Variants in ABCD2 observed in about 807,000 individuals in gnomAD.
ABCD2 encodes the protein ATP-binding cassette sub-family D member 2.
ABCD2 carries 36 observed loss-of-function variants against 70.9 expected under a neutral mutation model. The ratio of observed to expected loss-of-function variants is 0.51; its 90% CI spans 0.39 to 0.67. The LOEUF (loss-of-function observed/expected upper bound fraction) is 0.67. ABCD2 is among the 30% of genes least tolerant of loss of function. The pLI is 0.00. For synonymous variants in ABCD2, 304 were observed against 306.9 expected (o/e 0.99, Z 0.10); for missense variants, 729 against 890.2 (o/e 0.82, Z 2.30).
intron 6 of ABCD2, among the ~76,000 whole-genome samples, chr12:39,596,510 AT>A: frequency 6.6e-6 from 1 of 152,222 alleles, no homozygotes; most frequent in Non-Finnish European, 1.5e-5. Flanking sequence ...TAAAAAAAGT[AT>A]TTGATCAGAT....
chr12:39,549,036 G>A (rs935739701), downstream of ABCD2, among the ~76,000 whole-genome samples: 7 of 151,868 alleles, frequency 4.6e-5, no homozygotes, highest in Non-Finnish European at 1.0e-4. Context: ...GGTAACATAC[G>A]AGACTTACCT....
intron 9 of ABCD2, among the ~76,000 whole-genome samples, chr12:39,565,988 C>A (rs1256906865): frequency 2.0e-5 from 3 of 152,132 alleles, no homozygotes; most frequent in African/African-American, 7.2e-5. Context: ...CCCACTTGAT[C>A]ATGGTGGATA....
intron 9 of ABCD2, among the ~76,000 whole-genome samples, chr12:39,556,015 A>C (rs1206875420): frequency 2.0e-5 from 3 of 152,166 alleles, no homozygotes; most frequent in Non-Finnish European, 2.9e-5. Flanking sequence ...TAGAAACCAC[A>C]ACAGGTGACC....
chr12:39,541,992 G>A, the ABCD2 span, among the ~76,000 whole-genome samples: 268 of 152,302 alleles, frequency 1.8e-3, no homozygotes, highest in African/African-American at 5.7e-3. Context: ...AGTGGGAAGG[G>A]CTGGTAATTA....
intron 9 of ABCD2, among the ~76,000 whole-genome samples, chr12:39,557,393 T>G (rs942652846): frequency 1.4e-4 from 21 of 152,156 alleles, no homozygotes; most frequent in Non-Finnish European, 2.9e-5. Flanking sequence ...CACAAAGAGA[T>G]GATTTGGAAT....
At chr12:39,557,270 A>C (rs1161964398) in intron 9 of ABCD2, among the ~76,000 whole-genome samples, 1 of 152,160 alleles carries the variant, frequency 6.6e-6, no homozygotes, top group East Asian at 1.9e-4. Context: ...CCTGCCCTAG[A>C]GGTCTATGGA....
chr12:39,595,168 G>A (rs551964831), intron 6 of ABCD2, among the ~76,000 whole-genome samples: 17 of 152,158 alleles, frequency 1.1e-4, no homozygotes, highest in African/African-American at 3.9e-4. Flanking sequence ...CAGAAAGTTG[G>A]GAAAGTAATA....
chr12:39,607,816 A>T, intron 2 of ABCD2, 102 bp from the exon 3 acceptor site: 2 of 772,964 alleles, frequency 2.6e-6, no homozygotes. Flanking sequence ...TAAAACAACC[A>T]CATATTAATT....
Position 39,599,551 on chromosome 12 carries a change from T to C in ABCD2, c.1646+1020A>G, listed in dbSNP as rs1162709084. Among the ~76,000 whole-genome samples, 5 of 152,226 alleles carry C rather than the reference T, an allele frequency of 3.3e-5. No homozygotes were observed. The East Asian group carries it at 9.6e-4, about 29-fold the overall frequency. On this transcript the variant is annotated intron_variant, in intron 6 of 9. Coordinates refer to ENST00000308666, the MANE Select transcript of ABCD2 (RefSeq NM_005164.4). The stretch of plus-strand genomic sequence containing the variant: ...TATGTCATTGCTCATGTCCAGCATT[T>C]TCAGCCAATGCAGTTCTTCATTCTC...
intron 9 of ABCD2, among the ~76,000 whole-genome samples, chr12:39,570,287 G>A (rs76014714): frequency 0.015 from 2,221 of 152,228 alleles, 37 homozygotes; most frequent in African/African-American, 0.049. Context: ...AAAAATTCTT[G>A]AGCATAAAGT....
downstream of ABCD2, among the ~76,000 whole-genome samples, chr12:39,548,744 A>G (rs1330404000): frequency 6.6e-6 from 1 of 151,816 alleles, no homozygotes; most frequent in Non-Finnish European, 1.5e-5. Context: ...GATTAAACTG[A>G]CTAAAATTAA....
chr12:39,584,419 CTT>C (rs1220344916), intron 7 of ABCD2, among the ~76,000 whole-genome samples: 3 of 152,128 alleles, frequency 2.0e-5, no homozygotes, highest in Admixed American at 6.6e-5. Context: ...AGATATTAGA[CTT>C]TTGTCAGATG....
chr12:39,556,982 C>CAAA (rs57091997), intron 9 of ABCD2, among the ~76,000 whole-genome samples: 3 of 110,700 alleles, frequency 2.7e-5, no homozygotes. Context: ...GACTCTGTCT[C>CAAA]AAAAAAAAAA....
intron 6 of ABCD2, among the ~76,000 whole-genome samples, chr12:39,596,313 C>A (rs756377059): frequency 8.5e-5 from 13 of 152,056 alleles, no homozygotes; most frequent in Non-Finnish European, 1.6e-4. Flanking sequence ...TCTTGAGGCA[C>A]TTATTTCTGG....
At position 39,550,935 on chromosome 12, in the gene ABCD2, A is replaced by G. The variant is rs1487994813; in HGVS notation, c.*2977T>C. The G allele has an allele frequency of 1.3e-5, 2 of 151,764 alleles. No homozygotes were observed. Among genetic ancestry groups the G allele is most frequent in the Non-Finnish European group, 3.0e-5 (2 of 67,692 alleles). The allele number at this position is 151,764 out of a possible 1,614,324, so 9.4% of individuals were successfully genotyped here. A position where few individuals can be genotyped will look rare whatever the true frequency, so the allele number is the denominator to read the frequency against. On this transcript the variant is annotated 3_prime_UTR_variant, in exon 10 of 10. Transcript: ENST00000308666. ...AGATGAATCTATTGCCAAATATGAAACTATACTTGGAACCAATGTTTCAAA... is the reference window on the plus strand; with the variant it reads ...AGATGAATCTATTGCCAAATATGAAGCTATACTTGGAACCAATGTTTCAAA...
the ABCD2 span, among the ~76,000 whole-genome samples, chr12:39,533,714 T>C: frequency 6.6e-6 from 1 of 152,318 alleles, no homozygotes; most frequent in South Asian, 2.1e-4. Context: ...TTTGTAACAA[T>C]TGTAAAACAG....
intron 6 of ABCD2, among the ~76,000 whole-genome samples, chr12:39,597,854 A>G (rs1478704310): frequency 6.6e-6 from 1 of 152,200 alleles, no homozygotes; most frequent in Non-Finnish European, 1.5e-5. Context: ...TAATTTATCT[A>G]CCAACATTTT....
intron 6 of ABCD2, among the ~76,000 whole-genome samples, chr12:39,595,202 GA>G (rs1224874387): frequency 1.3e-5 from 2 of 152,132 alleles, no homozygotes; most frequent in Non-Finnish European, 2.9e-5. Flanking sequence ...GATTATCTGA[GA>G]AAATATTTAA....
At chr12:39,558,984 G>A (rs1266498595) in intron 9 of ABCD2, among the ~76,000 whole-genome samples, 1 of 152,074 alleles carries the variant, frequency 6.6e-6, no homozygotes, top group Non-Finnish European at 1.5e-5. Flanking sequence ...AAAAAAATAT[G>A]TGAACTTGAA....
Sources: gnomAD v4.1 joint callset for allele counts (sites outside exome capture counted in the v4.1 genomes callset) on GRCh38, gnomAD v4.1.1 for gene constraint, MANE v1.5 for transcripts, NCBI Gene and HGNC (gene_info 2026-07-23, HGNC 2026-07-21) for gene names.